Variants in CSTPP1 observed in about 807,000 individuals in gnomAD.
The protein encoded by CSTPP1 is UPF0705 protein C11orf49.
chr11:47,023,039 G>A, the CSTPP1 span, among the ~76,000 whole-genome samples: 2 of 152,228 alleles, frequency 1.3e-5, no homozygotes, highest in Non-Finnish European at 1.5e-5. Flanking sequence ...TTGTAGGTCT[G>A]GGTTGGGGCC....
At chr11:47,137,783 C>T in the CSTPP1 span, 1 of 1,531,158 alleles carries the variant, frequency 6.5e-7, no homozygotes, top group East Asian at 2.2e-5. Context: ...CCACTGCTTC[C>T]TAGAGAAACC....
At chr11:47,078,829 G>T in the CSTPP1 span, among the ~76,000 whole-genome samples, 1 of 152,168 alleles carries the variant, frequency 6.6e-6, no homozygotes, top group Admixed American at 6.6e-5. Context: ...AATATCTGAA[G>T]GCATGTGATG....
the CSTPP1 span, among the ~76,000 whole-genome samples, chr11:47,037,801 C>G: frequency 6.3e-5 from 8 of 127,628 alleles, 3 homozygotes; most frequent in South Asian, 7.5e-4. Flanking sequence ...TACACAGACA[C>G]GGCAACCATC....
chr11:47,000,224 C>G, the CSTPP1 span, among the ~76,000 whole-genome samples: 4 of 152,158 alleles, frequency 2.6e-5, no homozygotes, highest in Non-Finnish European at 5.9e-5. Context: ...GTAGCTCTAA[C>G]TTAGAAACCA....
the CSTPP1 span, among the ~76,000 whole-genome samples, chr11:47,062,662 G>A: frequency 1.3e-5 from 2 of 152,270 alleles, no homozygotes; most frequent in African/African-American, 4.8e-5. Context: ...CTGGTGAATA[G>A]TACATCCGTT....
the CSTPP1 span, among the ~76,000 whole-genome samples, chr11:46,978,536 A>G: frequency 6.6e-6 from 1 of 152,254 alleles, no homozygotes; most frequent in East Asian, 1.9e-4. Context: ...TTTTCTGTGT[A>G]GACTAAACTG....
the CSTPP1 span, among the ~76,000 whole-genome samples, chr11:47,081,620 C>T: frequency 6.6e-6 from 1 of 152,144 alleles, no homozygotes; most frequent in Non-Finnish European, 1.5e-5. Flanking sequence ...TATTAATAGA[C>T]AGGCAATCAA....
At chr11:46,940,119 C>T in the CSTPP1 span, among the ~76,000 whole-genome samples, 2 of 152,174 alleles carry the variant, frequency 1.3e-5, no homozygotes, top group Non-Finnish European at 2.9e-5. Context: ...GCGATCTGCC[C>T]ACCTTGGCTT....
chr11:47,102,542 G>C, the CSTPP1 span, among the ~76,000 whole-genome samples: 1 of 151,854 alleles, frequency 6.6e-6, no homozygotes, highest in Non-Finnish European at 1.5e-5. Flanking sequence ...TATATAGATA[G>C]ATAATATGTT....
At chr11:47,152,307 G>A in the CSTPP1 span, among the ~76,000 whole-genome samples, 1 of 151,940 alleles carries the variant, frequency 6.6e-6, no homozygotes, top group Non-Finnish European at 1.5e-5. Context: ...GCCCTGCTCT[G>A]ACGGACACTC....
At chr11:47,140,467 G>T in the CSTPP1 span, among the ~76,000 whole-genome samples, 1 of 152,162 alleles carries the variant, frequency 6.6e-6, no homozygotes, top group African/African-American at 2.4e-5. Flanking sequence ...CTGTAGCCCA[G>T]GCTGGAGGGC....
the CSTPP1 span, among the ~76,000 whole-genome samples, chr11:47,129,158 C>G: frequency 6.6e-6 from 1 of 152,092 alleles, no homozygotes; most frequent in African/African-American, 2.4e-5. Context: ...TATAACTTGG[C>G]CCTGAGTTGT....
chr11:46,950,170 T>G, the CSTPP1 span, among the ~76,000 whole-genome samples: 1 of 144,336 alleles, frequency 6.9e-6, no homozygotes, highest in South Asian at 2.1e-4. Context: ...AAAGACTTTT[T>G]CTTTTCTTTT....
the CSTPP1 span, among the ~76,000 whole-genome samples, chr11:47,022,420 A>AGTACAGT: frequency 0.09 from 10,493 of 116,064 alleles, 439 homozygotes; most frequent in Middle Eastern, 0.15. Context: ...CCCAGACTGG[A>AGTACAGT]GTACAGTGGT....
chr11:46,967,586 G>A, the CSTPP1 span, among the ~76,000 whole-genome samples: 1 of 151,944 alleles, frequency 6.6e-6, no homozygotes, highest in African/African-American at 2.4e-5. Flanking sequence ...TGTCTTCTCT[G>A]TGCTTAGTTT....
At chr11:46,969,463 T>G in the CSTPP1 span, among the ~76,000 whole-genome samples, 1 of 152,224 alleles carries the variant, frequency 6.6e-6, no homozygotes, top group Non-Finnish European at 1.5e-5. Context: ...TATATAAAGC[T>G]GAACCTATGT....
chr11:47,132,181 C>T, the CSTPP1 span, among the ~76,000 whole-genome samples: 2 of 152,072 alleles, frequency 1.3e-5, no homozygotes, highest in African/African-American at 2.4e-5. Flanking sequence ...CTCCTCATAC[C>T]CCTGTAATTT....
At chr11:47,077,110 A>G in the CSTPP1 span, among the ~76,000 whole-genome samples, 6 of 151,832 alleles carry the variant, frequency 4.0e-5, no homozygotes, top group Non-Finnish European at 8.8e-5. Context: ...AAAAAGTGCA[A>G]TGCTTTTAGA....
At chr11:46,998,474 C>T in the CSTPP1 span, among the ~76,000 whole-genome samples, 1 of 152,180 alleles carries the variant, frequency 6.6e-6, no homozygotes, top group African/African-American at 2.4e-5. Context: ...TGACACATAC[C>T]TGACACTTCC....
Sources: gnomAD v4.1 joint callset for allele counts (sites outside exome capture counted in the v4.1 genomes callset) on GRCh38, gnomAD v4.1.1 for gene constraint, MANE v1.5 for transcripts, NCBI Gene and HGNC (gene_info 2026-07-23, HGNC 2026-07-21) for gene names.